NFRKB: variants seen among roughly 807,000 people sequenced by gnomAD.
The protein encoded by NFRKB is nuclear factor related to kappaB binding protein, also known as nuclear factor related to kappa-B-binding protein.
A neutral mutation model predicts 135.7 loss-of-function variants in NFRKB; 62 were observed. That is an observed-to-expected ratio of 0.46 (90% CI 0.37 to 0.56). The LOEUF is 0.56. Ranked by LOEUF, NFRKB falls within the 20% of genes least tolerant of loss-of-function variation. NFRKB has a pLI of 0.00. For missense variants in NFRKB, 1,545 were observed against 1,662.0 expected (o/e 0.93, Z 1.22); for synonymous variants, 678 against 635.6 (o/e 1.07, Z -1.00).
Position 129,885,589 on chromosome 11 carries a change from C to T in NFRKB, c.486G>A (p.Arg162=). 1 of 1,611,306 alleles carries T rather than the reference C, an allele frequency of 6.2e-7. No individual in the cohort carries two copies. The highest frequency in any genetic ancestry group is 8.5e-7 in the Non-Finnish European group (1 of 1,177,902). The change falls in exon 6 of 27, where the codon CGG becomes CGA. Residue 162 remains arginine (R), a synonymous_variant. Coordinates refer to ENST00000682444, the MANE Select transcript of NFRKB (RefSeq NM_001143835.2). ...GGAAGGGAAGGGCGGGGCCACTCCG[C>T]CGGGCCATCTCCAGCAGATCCTAGG... ...ASRSDLLEMA[R]RSGPALPFRQ...
chr11:129,870,799 G>A (rs1031016602), intron 23 of NFRKB, among the ~76,000 whole-genome samples: 5 of 152,160 alleles, frequency 3.3e-5, no homozygotes, highest in South Asian at 2.1e-4. Context: ...CAGGGACTTC[G>A]TCTCTCTGTG....
intron 12 of NFRKB, 82 bp downstream of exon 12, chr11:129,881,645 A>C: frequency 6.3e-7 from 1 of 1,588,144 alleles, no homozygotes. Context: ...GATGGATTAC[A>C]CGAGCAAAGC....
intron 5 of NFRKB, 22 bp from the exon 6 acceptor site, chr11:129,885,631 G>C (rs1949240817): frequency 6.3e-7 from 1 of 1,586,906 alleles, no homozygotes; most frequent in African/African-American, 1.3e-5. Flanking sequence ...TCAGGTGGGG[G>C]TACAAGTCAT....
chr11:129,887,465 G>A (rs1949331086), intron 4 of NFRKB, among the ~76,000 whole-genome samples: 1 of 152,158 alleles, frequency 6.6e-6, no homozygotes, highest in Admixed American at 6.5e-5. Context: ...GTGACACAAT[G>A]GGAAAGACCA....
chr11:129,894,633 T>A (rs1949694379), intron 1 of NFRKB, among the ~76,000 whole-genome samples, 195 bp from the exon 2 acceptor site: 1 of 152,272 alleles, frequency 6.6e-6, no homozygotes, highest in Non-Finnish European at 1.5e-5. Flanking sequence ...AACTTAAGCG[T>A]TGAGTCAAGT....
At chr11:129,893,173 G>C (rs1047428102) in intron 2 of NFRKB, 2 of 869,828 alleles carry the variant, frequency 2.3e-6, no homozygotes, top group South Asian at 3.9e-5. Flanking sequence ...ATGATAAACA[G>C]ATCACAATCT....
At position 129,888,728 on chromosome 11, in the gene NFRKB, T is replaced by C. The variant is rs755275675; in HGVS notation, c.203A>G (p.Glu68Gly). The C allele has an allele frequency of 4.3e-6, 7 of 1,614,220 alleles. No individual in the cohort carries two copies. The South Asian group carries it at 7.7e-5, about 18-fold the overall frequency. The change falls in exon 4 of 27, where the codon GAA becomes GGA. Residue 68 changes from glutamate to glycine, a missense_variant. Glu to Gly is a moderately conservative substitution (Grantham distance 98). This residue lies in a region of NFRKB where 678 missense variants were observed against 646.7 expected (regional missense o/e 1.05). Transcript: ENST00000682444. ...WQEVLSDSQR[E>G]HLQQFLPQFP... ...CTGGGGCAGAAACTGCTGGAGGTGT[T>C]CACGTTGAGAATCACTTAACACTTC...
At chr11:129,888,889 T>C (rs1157995738) in intron 3 of NFRKB, 94 bp from the exon 4 acceptor site, 7 of 899,962 alleles carry the variant, frequency 7.8e-6, no homozygotes, top group South Asian at 3.6e-5. Context: ...ATACATAAGA[T>C]TTACCAATTT....
At position 129,865,937 on chromosome 11, in the gene NFRKB, T is replaced by C. The variant is rs188258834; in HGVS notation, c.3578A>G (p.Gln1193Arg). ...RITVPLSVIS[Q>R]PMKGKSVVTA... is the part of the protein sequence containing the mutation. ...GACCACGCTCTTGCCCTTCATTGGC[T>C]GGCTGATCACAGAGAGGGGAACTGT... The change falls in exon 25 of 27, where the codon CAG (glutamine) becomes CGG (arginine). Residue 1193 changes from glutamine (Q) to arginine (R), a missense_variant. This residue lies in a region of NFRKB where 753 missense variants were observed against 804.3 expected (regional missense o/e 0.94). Transcript: ENST00000682444. 5.0e-6 allele frequency: 8 copies of C among 1,613,856 alleles called. No individual in the cohort carries two copies. Among genetic ancestry groups the C allele is most frequent in the African/African-American group, 2.7e-5 (2 of 75,010 alleles).
intron 6 of NFRKB, 89 bp from the exon 7 acceptor site, chr11:129,884,935 G>GCTAA: frequency 6.3e-7 from 1 of 1,597,104 alleles, no homozygotes; most frequent in South Asian, 1.1e-5. Flanking sequence ...GTTCAACAAG[G>GCTAA]CTAAGCCAAC....
chr11:129,869,999 G>A lies in NFRKB; in HGVS notation c.3026C>T (p.Thr1009Ile), dbSNP rs772188874. The change falls in exon 24 of 27, where the codon ACC becomes ATC. Residue 1009 changes from threonine (T) to isoleucine (I), a missense_variant. Transcript: ENST00000682444. ...TACTGGATTGGAAGTGACGTGTAAG[G>A]TGGCAGAGATGCCTTTGCCTGTAGT... ...GNTTGKGISA[T>I]LHVTSNPVHA... is the part of the protein sequence containing the mutation. The A allele has an allele frequency of 1.9e-6, 3 of 1,614,144 alleles. No homozygotes were observed. The highest frequency in any genetic ancestry group is 2.5e-6 in the Non-Finnish European group (3 of 1,180,054).
intron 2 of NFRKB, among the ~76,000 whole-genome samples, chr11:129,893,783 A>C (rs1949664273): frequency 6.6e-6 from 1 of 152,250 alleles, no homozygotes; most frequent in Non-Finnish European, 1.5e-5. Flanking sequence ...AAATCAGAGT[A>C]GGTCAGTAAC....
At chr11:129,867,577 A>G (rs1027610950) in intron 24 of NFRKB, among the ~76,000 whole-genome samples, 2 of 152,138 alleles carry the variant, frequency 1.3e-5, no homozygotes, top group Non-Finnish European at 2.9e-5. Flanking sequence ...TCGGCCTCCC[A>G]AAGTGCTGGG....
At chr11:129,875,521 A>C (rs1312849882) in intron 17 of NFRKB, 58 bp from the exon 18 acceptor site, 19 of 1,374,952 alleles carry the variant, frequency 1.4e-5, no homozygotes, top group Non-Finnish European at 2.0e-6. Context: ...ACGGAGGTAC[A>C]ATCTCCTGTA....
chr11:129,892,885 G>C lies in NFRKB; in HGVS notation c.-21-15C>G. The stretch of plus-strand genomic sequence containing the variant: ...CCACAGGTACTCTGGACAAAGACAT[G>C]CATCTTGAGACAGAAAGGCAGAAAT... On this transcript the variant is annotated splice_polypyrimidine_tract_variant and intron_variant, in intron 2 of 26. Transcript: ENST00000682444. 1 of 1,613,988 alleles carries C rather than the reference G, an allele frequency of 6.2e-7. No individual in the cohort carries two copies. Among genetic ancestry groups the C allele is most frequent in the Non-Finnish European group, 8.5e-7 (1 of 1,179,918 alleles).
intron 23 of NFRKB, among the ~76,000 whole-genome samples, chr11:129,870,735 C>A (rs896321222): frequency 6.6e-6 from 1 of 152,110 alleles, no homozygotes; most frequent in Admixed American, 6.5e-5. Flanking sequence ...CGGCTTCCCA[C>A]CTCCTAAGGC....
At chr11:129,868,879 G>A (rs1398882244) in intron 24 of NFRKB, among the ~76,000 whole-genome samples, 1 of 152,156 alleles carries the variant, frequency 6.6e-6, no homozygotes, top group East Asian at 1.9e-4. Context: ...AATAAGCCGG[G>A]TGTGATGACA....
intron 3 of NFRKB, among the ~76,000 whole-genome samples, chr11:129,890,490 GAA>G (rs1591536164): frequency 6.6e-6 from 1 of 152,304 alleles, no homozygotes; most frequent in East Asian, 1.9e-4. Context: ...GAGGATCAGA[GAA>G]CAGCACACTG....
At chr11:129,883,927 G>T in intron 8 of NFRKB, 143 bp downstream of exon 8, 1 of 869,306 alleles carries the variant, frequency 1.2e-6, no homozygotes, top group Non-Finnish European at 1.9e-6. Context: ...GTTGATGCTA[G>T]CTAGCCTCGC....
Sources: allele counts gnomAD v4.1 joint callset (sites outside exome capture counted in the v4.1 genomes callset), GRCh38; gene constraint gnomAD v4.1.1; regional missense constraint gnomAD v4.1.1; transcripts MANE v1.5; gene names NCBI Gene and HGNC (gene_info 2026-07-23, HGNC 2026-07-21).